Variants in TENM2 observed in about 807,000 individuals in gnomAD.
TENM2 encodes teneurin transmembrane protein 2, also known as teneurin-2.
TENM2 carries 52 observed loss-of-function variants against 245.2 expected under a neutral mutation model. The ratio of observed to expected loss-of-function variants is 0.21; its 90% CI spans 0.17 to 0.27. TENM2 has a LOEUF of 0.27. TENM2 is among the 10% of genes least tolerant of loss of function. TENM2 has a pLI of 1.00. For synonymous variants in TENM2, 1,363 were observed against 1,438.9 expected, an observed-to-expected ratio of 0.95 and a Z score of 1.19; for missense variants, 3,046 against 3,666.8, an observed-to-expected ratio of 0.83 and a Z score of 4.37.
chr5:167,390,629 TATA>T (rs1191157180), intron 2 of TENM2, among the ~76,000 whole-genome samples: 1 of 152,172 alleles, frequency 6.6e-6, no homozygotes, highest in Non-Finnish European at 1.5e-5. Context: ...CAATTACTAT[TATA>T]ATAAGCATAT....
the TENM2 span, among the ~76,000 whole-genome samples, chr5:167,129,875 T>C: frequency 1.2e-4 from 18 of 152,266 alleles, no homozygotes; most frequent in South Asian, 3.7e-3. Context: ...CGTCTAATAT[T>C]CATCACCAAC....
intron 2 of TENM2, among the ~76,000 whole-genome samples, chr5:167,560,493 A>G (rs1773517333): frequency 1.3e-5 from 2 of 152,138 alleles, no homozygotes; most frequent in African/African-American, 4.8e-5. Flanking sequence ...TGTACACCAG[A>G]AAGGGAAGAG....
intron 2 of TENM2, among the ~76,000 whole-genome samples, chr5:167,786,460 T>G (rs930164825): frequency 6.6e-6 from 1 of 152,232 alleles, no homozygotes; most frequent in Non-Finnish European, 1.5e-5. Flanking sequence ...CATATGTACC[T>G]GTTTAAAAAC....
At chr5:168,115,431 A>AG (rs1351236606) in intron 9 of TENM2, among the ~76,000 whole-genome samples, 11 of 149,122 alleles carry the variant, frequency 7.4e-5, no homozygotes, top group Admixed American at 4.0e-4. Flanking sequence ...AAGGAAAGAA[A>AG]AAAAAAGAAA....
At chr5:168,209,997 T>C (rs1762664574) in intron 19 of TENM2, among the ~76,000 whole-genome samples, 1 of 152,100 alleles carries the variant, frequency 6.6e-6, no homozygotes, top group South Asian at 2.1e-4. Flanking sequence ...AGCTAATCCA[T>C]CTCAATTCTC....
chr5:167,345,225 G>A (rs1758383654), intron 1 of TENM2, among the ~76,000 whole-genome samples: 1 of 152,180 alleles, frequency 6.6e-6, no homozygotes, highest in South Asian at 2.1e-4. Context: ...AGTGTGCAGT[G>A]TAGCAAGCAA....
intron 2 of TENM2, among the ~76,000 whole-genome samples, chr5:167,867,293 T>A (rs1416092349): frequency 2.0e-5 from 3 of 152,206 alleles, no homozygotes; most frequent in African/African-American, 7.2e-5. Flanking sequence ...TATAGCCTCA[T>A]CTATATTTGA....
chr5:168,183,964 T>A (rs1760164288), intron 13 of TENM2, among the ~76,000 whole-genome samples: 1 of 152,178 alleles, frequency 6.6e-6, no homozygotes, highest in African/African-American at 2.4e-5. Flanking sequence ...CCTTTGGGTA[T>A]AATCATCACT....
intron 1 of TENM2, among the ~76,000 whole-genome samples, chr5:167,355,386 C>T (rs1369524891): frequency 6.6e-6 from 1 of 152,074 alleles, no homozygotes; most frequent in Non-Finnish European, 1.5e-5. Context: ...GGAGATTGAA[C>T]ACACCGCGCA....
At chr5:168,087,280 A>AT (rs909283782) in intron 7 of TENM2, 3 of 152,234 alleles carry the variant, frequency 2.0e-5, no homozygotes, top group Admixed American at 6.5e-5. Context: ...AGATGCTACC[A>AT]TCTTTTCCTG....
chr5:168,071,142 A>C (rs555585550), intron 7 of TENM2, among the ~76,000 whole-genome samples: 1 of 152,306 alleles, frequency 6.6e-6, no homozygotes, highest in South Asian at 2.1e-4. Context: ...CAAGTCATTC[A>C]GCCTTTCTGT....
At chr5:167,016,281 C>CAAACA in the TENM2 span, among the ~76,000 whole-genome samples, 1 of 78,848 alleles carries the variant, frequency 1.3e-5, no homozygotes, top group African/African-American at 4.2e-5. Flanking sequence ...AACAAACAAA[C>CAAACA]AAAAAAAAAA....
At chr5:168,227,924 A>C (rs753900366) in exon 25 of TENM2, 1 of 1,611,780 alleles carries the variant, frequency 6.2e-7, no homozygotes, top group South Asian at 1.1e-5. Flanking sequence ...CCAGCTCTGT[A>C]ATAATGGTAC....
In TENM2 at chr5:168,078,842, A is replaced by G. The variant is rs987318121; in HGVS notation, c.1516-11732A>G. On this transcript the variant is annotated intron_variant, in intron 7 of 28. Transcript: ENST00000518659. The stretch of plus-strand genomic sequence containing the variant: ...GTTTTGATTACTGTAGCCTTGTAGT[A>G]TAGTTTGAAGTCAGGTAGCATGATG... Among the ~76,000 whole-genome samples, 7 of 152,154 alleles carry G rather than the reference A, an allele frequency of 4.6e-5. No homozygotes were observed. In the East Asian group the frequency reaches 5.8e-4, roughly 13 times the overall value.
chr5:167,088,999 G>A, the TENM2 span, among the ~76,000 whole-genome samples: 10 of 152,158 alleles, frequency 6.6e-5, no homozygotes, highest in East Asian at 3.9e-4. Flanking sequence ...ACGCAGTTTC[G>A]TTTAGTGAGA....
exon 29 of TENM2, chr5:168,262,390 C>T: frequency 6.3e-7 from 1 of 1,596,146 alleles, no homozygotes; most frequent in Non-Finnish European, 8.5e-7. Context: ...TCACACTAGG[C>T]ACCACCATCG....
chr5:168,199,344 A>G (rs1761736372), intron 16 of TENM2, among the ~76,000 whole-genome samples: 1 of 152,260 alleles, frequency 6.6e-6, no homozygotes, highest in Non-Finnish European at 1.5e-5. Flanking sequence ...CTTTTAATAA[A>G]ATAAAAACAA....
chr5:167,454,667 C>A, intron 2 of TENM2, among the ~76,000 whole-genome samples: 1 of 152,250 alleles, frequency 6.6e-6, no homozygotes, highest in Non-Finnish European at 1.5e-5. Context: ...TCCACTCAAC[C>A]GTTGGTTCTA....
the TENM2 span, among the ~76,000 whole-genome samples, chr5:167,051,845 TA>T: frequency 1.3e-5 from 2 of 152,218 alleles, no homozygotes; most frequent in Non-Finnish European, 2.9e-5. Flanking sequence ...AATTCCCTCA[TA>T]TTTGCCCATG....
Sources: allele counts gnomAD v4.1 joint callset (sites outside exome capture counted in the v4.1 genomes callset), GRCh38; gene constraint gnomAD v4.1.1; transcripts MANE v1.5; gene names NCBI Gene and HGNC (gene_info 2026-07-23, HGNC 2026-07-21).